ROBO1: variants seen among roughly 807,000 people sequenced by gnomAD.
ROBO1 encodes roundabout guidance receptor 1, also known as roundabout homolog 1.
A neutral mutation model predicts 195.9 loss-of-function variants in ROBO1; 149 were observed. The ratio of observed to expected loss-of-function variants is 0.76; its 90% CI spans 0.67 to 0.87. ROBO1 has a LOEUF of 0.87. Among genes scored for constraint, ROBO1 ranks in the 40% least tolerant of loss-of-function variants. ROBO1 has a pLI of 0.00. For missense variants in ROBO1, 1,933 were observed against 2,068.3 expected (o/e 0.93, Z 1.27); for synonymous variants, 816 against 733.2 (o/e 1.11, Z -1.82).
At chr3:79,536,417 G>A (rs35482950) in intron 2 of ROBO1, among the ~76,000 whole-genome samples, 4 of 143,404 alleles carry the variant, frequency 2.8e-5, no homozygotes, top group East Asian at 2.3e-4. Context: ...ATATTCCATC[G>A]CTTTCTGTCA....
chr3:79,139,010 A>G (rs1473745499), intron 2 of ROBO1, among the ~76,000 whole-genome samples: 2 of 151,830 alleles, frequency 1.3e-5, no homozygotes, highest in Non-Finnish European at 2.9e-5. Flanking sequence ...AAAGTAGAAT[A>G]ACTATACAAA....
intron 4 of ROBO1, among the ~76,000 whole-genome samples, chr3:78,758,031 C>A (rs1366246533): frequency 6.6e-6 from 1 of 152,184 alleles, no homozygotes; most frequent in Non-Finnish European, 1.5e-5. Flanking sequence ...TCCTAACAAA[C>A]TACAGAGCCC....
intron 1 of ROBO1, among the ~76,000 whole-genome samples, chr3:79,656,133 G>A (rs1224185208): frequency 6.6e-6 from 1 of 151,970 alleles, no homozygotes; most frequent in Non-Finnish European, 1.5e-5. Flanking sequence ...TTTATAACAT[G>A]TAGTTAAGGA....
intron 2 of ROBO1, among the ~76,000 whole-genome samples, chr3:79,292,841 T>A (rs1474740602): frequency 6.6e-6 from 1 of 152,186 alleles, no homozygotes; most frequent in Non-Finnish European, 1.5e-5. Context: ...AATTTCCTTT[T>A]TTTGTTGTGT....
intron 4 of ROBO1, among the ~76,000 whole-genome samples, chr3:78,917,778 C>A (rs2038703266): frequency 1.3e-5 from 2 of 152,164 alleles, no homozygotes. Flanking sequence ...TTATTTTAGA[C>A]AGATTTGTCT....
rs151288006 is a variant in ROBO1 at position 79,566,636 on chromosome 3, G to A, written c.88+23188C>T. ...TTACCATTGAGCACTTTAAAGGCGT[G>A]ACACAAACTCCGTCATGCAGGAATG... On this transcript the variant is annotated intron_variant, in intron 2 of 30. Transcript: ENST00000464233. Among the ~76,000 whole-genome samples the A allele has an allele frequency of 3.0e-3, 453 of 152,190 alleles. 1 individual carries two copies. The highest frequency in any genetic ancestry group is 0.01 in the African/African-American group (424 of 41,536).
At chr3:79,716,001 A>G (rs1290894543) in intron 1 of ROBO1, among the ~76,000 whole-genome samples, 1 of 152,118 alleles carries the variant, frequency 6.6e-6, no homozygotes, top group East Asian at 1.9e-4. Flanking sequence ...GAATGAAATT[A>G]TTTTTTCCAA....
intron 4 of ROBO1, among the ~76,000 whole-genome samples, chr3:78,863,720 G>C (rs569335476): frequency 6.6e-6 from 1 of 152,282 alleles, no homozygotes; most frequent in Admixed American, 6.5e-5. Flanking sequence ...TAGAAGGCTA[G>C]GGAAATATGC....
chr3:78,711,345 T>C (rs1294834632), intron 8 of ROBO1, among the ~76,000 whole-genome samples: 1 of 49,446 alleles, frequency 2.0e-5, no homozygotes, highest in African/African-American at 8.7e-5. Context: ...CCTTCCTTCC[T>C]TCCTCCTTCC....
intron 2 of ROBO1, among the ~76,000 whole-genome samples, chr3:79,160,072 C>G (rs1414949410): frequency 6.6e-6 from 1 of 151,970 alleles, no homozygotes; most frequent in African/African-American, 2.4e-5. Context: ...ATATGTGATG[C>G]AAAATATTCC....
chr3:79,762,609 A>AACACACACACACACAC (rs60977072), intron 1 of ROBO1, among the ~76,000 whole-genome samples: 37,123 of 146,332 alleles, frequency 0.25, 5,576 homozygotes, highest in Middle Eastern at 0.41. Flanking sequence ...ATTCTGGACA[A>AACACACACACACACAC]ACACACACAC....
intron 4 of ROBO1, among the ~76,000 whole-genome samples, chr3:78,913,462 G>C (rs533010494): frequency 6.6e-6 from 1 of 151,936 alleles, no homozygotes; most frequent in East Asian, 1.9e-4. Context: ...TAATAATCTA[G>C]AGCAATGAGA....
chr3:78,932,742 A>G (rs2039598583), intron 4 of ROBO1, among the ~76,000 whole-genome samples: 1 of 152,154 alleles, frequency 6.6e-6, no homozygotes, highest in Admixed American at 6.5e-5. Context: ...AATGTGCAGG[A>G]AAAAAAGACT....
At chr3:79,360,245 C>T (rs1177143039) in intron 2 of ROBO1, among the ~76,000 whole-genome samples, 1 of 151,872 alleles carries the variant, frequency 6.6e-6, no homozygotes, top group African/African-American at 2.4e-5. Flanking sequence ...TACATAAATA[C>T]ATTTTTTAAC....
chr3:79,744,547 C>T (rs1703789453), intron 1 of ROBO1, among the ~76,000 whole-genome samples: 1 of 152,076 alleles, frequency 6.6e-6, no homozygotes, highest in Non-Finnish European at 1.5e-5. Flanking sequence ...AGCTCTCTTT[C>T]TACATGATGT....
chr3:78,937,643 C>G (rs578258086), intron 4 of ROBO1, among the ~76,000 whole-genome samples: 1 of 152,090 alleles, frequency 6.6e-6, no homozygotes, highest in Non-Finnish European at 1.5e-5. Flanking sequence ...ATAGATACAA[C>G]AGTTTAATGG....
chr3:79,043,851 A>T (rs922978008), intron 3 of ROBO1, among the ~76,000 whole-genome samples: 9 of 152,156 alleles, frequency 5.9e-5, no homozygotes, highest in African/African-American at 2.2e-4. Context: ...CTCTATGTCT[A>T]ATGGAATGAT....
At chr3:79,498,790 G>T (rs1939891129) in intron 2 of ROBO1, among the ~76,000 whole-genome samples, 1 of 151,832 alleles carries the variant, frequency 6.6e-6, no homozygotes, top group Admixed American at 6.6e-5. Flanking sequence ...GGAGGCAGAG[G>T]TTGCAGTGAT....
chr3:79,556,520 A>G (rs1337841996), intron 2 of ROBO1, among the ~76,000 whole-genome samples: 1 of 152,084 alleles, frequency 6.6e-6, no homozygotes, highest in Non-Finnish European at 1.5e-5. Flanking sequence ...TATGTAACCT[A>G]CAGTCAAAAG....
Sources: gnomAD v4.1 joint callset for allele counts (sites outside exome capture counted in the v4.1 genomes callset) on GRCh38, gnomAD v4.1.1 for gene constraint, MANE v1.5 for transcripts, NCBI Gene and HGNC (gene_info 2026-07-23, HGNC 2026-07-21) for gene names.